The following PCDHGB6 variants were observed in gnomAD, a reference collection of about 807,000 sequenced individuals.
PCDHGB6 encodes the protein protocadherin gamma-B6.
Under a neutral mutation model 59.1 loss-of-function variants are expected in PCDHGB6, and 51 were observed. The ratio of observed to expected loss-of-function variants is 0.86; its 90% CI spans 0.69 to 1.09. The LOEUF (loss-of-function observed/expected upper bound fraction) is 1.09. PCDHGB6 is among the 50% of genes least tolerant of loss of function. The pLI is 0.00. For synonymous variants in PCDHGB6, 466 were observed against 495.1 expected, an observed-to-expected ratio of 0.94 and a Z score of 0.78; for missense variants, 1,148 against 1,205.1, an observed-to-expected ratio of 0.95 and a Z score of 0.70.
chr5:141,466,809 CA>C (rs1454424644), intron 1 of PCDHGB6, among the ~76,000 whole-genome samples: 1 of 152,102 alleles, frequency 6.6e-6, no homozygotes, highest in Non-Finnish European at 1.5e-5. Flanking sequence ...CCTATTCAGA[CA>C]TGGTATAACA....
At chr5:141,453,481 TA>T (rs1178324090) in intron 1 of PCDHGB6, among the ~76,000 whole-genome samples, 1 of 151,928 alleles carries the variant, frequency 6.6e-6, no homozygotes, top group Non-Finnish European at 1.5e-5. Context: ...TCAAAACTAT[TA>T]AAAAAAGGTG....
intron 1 of PCDHGB6, 129 bp from the exon 2 acceptor site, chr5:141,494,678 G>T: frequency 1.3e-6 from 2 of 1,554,384 alleles, no homozygotes; most frequent in East Asian, 4.7e-5. Flanking sequence ...GTCCACCCCT[G>T]CCCCCTCTTA....
At chr5:141,410,765 T>C (rs1238144239) in intron 1 of PCDHGB6, 145 bp downstream of exon 1, 1 of 1,066,570 alleles carries the variant, frequency 9.4e-7, no homozygotes, top group Non-Finnish European at 1.3e-6. Flanking sequence ...TTTTCAATTA[T>C]AGTTTTCACT....
Position 141,431,628 on chromosome 5 carries a change from A to T in PCDHGB6, c.2418+21008A>T, listed in dbSNP as rs1204083567. The T allele has an allele frequency of 6.2e-7, 1 of 1,614,138 alleles. No individual in the cohort carries two copies. Among genetic ancestry groups the T allele is most frequent in the Non-Finnish European group, 8.5e-7 (1 of 1,180,058 alleles). ...CGGTATGTGGACGACAAGGCGGCCC[A>T]AGTTTTCAAACTAGATTGTAATTCA... On this transcript the variant is annotated intron_variant, in intron 1 of 3. Coordinates refer to ENST00000520790, the MANE Select transcript of PCDHGB6 (RefSeq NM_018926.3). The surrounding 1 kb of genome is among the most constrained non-coding windows in gnomAD (Gnocchi z 4.8).
chr5:141,424,203 GC>G (rs777832241), intron 1 of PCDHGB6: 3 of 175,740 alleles, frequency 1.7e-5, no homozygotes, highest in Non-Finnish European at 3.6e-5. Flanking sequence ...ATACACGTAA[GC>G]TTTTCTCTGA....
rs1386737349 is a variant in PCDHGB6 at position 141,486,423 on chromosome 5, C to T, written c.2419-8384C>T. The T allele has an allele frequency of 6.2e-7, 1 of 1,614,042 alleles. No individual in the cohort carries two copies. The highest frequency in any genetic ancestry group is 8.5e-7 in the Non-Finnish European group (1 of 1,180,030). ...ACTGCTGGACCCTTGGATCGAGAGG[C>T]CAAATCTAGCTATGACATCATGGTC... is the stretch of plus-strand genomic sequence containing the variant. On this transcript the variant is annotated intron_variant, in intron 1 of 3. Transcript: ENST00000520790. The surrounding 1 kb of genome is among the most constrained non-coding windows in gnomAD (Gnocchi z 5.0).
At chr5:141,501,423 A>C (rs1195105794) in intron 2 of PCDHGB6, among the ~76,000 whole-genome samples, 1 of 151,966 alleles carries the variant, frequency 6.6e-6, no homozygotes, top group Non-Finnish European at 1.5e-5. Flanking sequence ...AGTTGACTAA[A>C]TGTAGTCCAT....
intron 1 of PCDHGB6, chr5:141,440,868 T>G (rs1288344051): frequency 3.9e-5 from 6 of 152,150 alleles, no homozygotes; most frequent in Non-Finnish European, 1.5e-5. Context: ...ATCTAGGATG[T>G]GTACAGCGTC....
At chr5:141,434,497 G>A (rs986672351) in intron 1 of PCDHGB6, among the ~76,000 whole-genome samples, 2 of 152,214 alleles carry the variant, frequency 1.3e-5, no homozygotes, top group African/African-American at 4.8e-5. Context: ...CCCGCCCAGG[G>A]CAGAAAACTG....
chr5:141,428,188 G>A (rs1023078587), intron 1 of PCDHGB6: 3 of 1,433,350 alleles, frequency 2.1e-6, no homozygotes, highest in Admixed American at 1.8e-5. Flanking sequence ...GACAGCCGCC[G>A]CTCTCTGCGC....
At chr5:141,448,058 C>G (rs2098560499) in intron 1 of PCDHGB6, among the ~76,000 whole-genome samples, 2 of 151,936 alleles carry the variant, frequency 1.3e-5, no homozygotes, top group Non-Finnish European at 2.9e-5. Flanking sequence ...TGCTCTCCAG[C>G]CTGGGCAACA....
chr5:141,503,608 A>G (rs1451651299), intron 2 of PCDHGB6, among the ~76,000 whole-genome samples: 3 of 151,994 alleles, frequency 2.0e-5, no homozygotes, highest in South Asian at 2.1e-4. Flanking sequence ...CAAAAAAAAA[A>G]AAAAAAGAAA....
At chr5:141,479,975 C>A (rs1459297521) in intron 1 of PCDHGB6, among the ~76,000 whole-genome samples, 1 of 152,186 alleles carries the variant, frequency 6.6e-6, no homozygotes, top group East Asian at 1.9e-4. Context: ...TGAGGTTCTA[C>A]CATTTACCAA....
rs894528472 is a variant in PCDHGB6 at position 141,489,718 on chromosome 5, C to A, written c.2419-5089C>A. 6.2e-7 allele frequency: 1 copy of A among 1,614,038 alleles called. No individual in the cohort carries two copies. Among genetic ancestry groups the A allele is most frequent in the African/African-American group, 1.3e-5 (1 of 74,934 alleles). ...ATTCCCACTGGACAGTGCCCAGGATCCGGATGTGGGCACCAATACTGTGAG... is the reference window on the plus strand; with the variant it reads ...ATTCCCACTGGACAGTGCCCAGGATACGGATGTGGGCACCAATACTGTGAG... On this transcript the variant is annotated intron_variant, in intron 1 of 3. Coordinates refer to ENST00000520790, the MANE Select transcript of PCDHGB6 (RefSeq NM_018926.3). This position sits in a 1 kb window ranked among gnomAD's most constrained non-coding sequence, Gnocchi z 4.5.
Position 141,490,900 on chromosome 5 carries a change from G to A in PCDHGB6, c.2419-3907G>A, listed in dbSNP as rs2099705863. 2 of 1,613,796 alleles carry A rather than the reference G, an allele frequency of 1.2e-6. No individual in the cohort carries two copies. The highest frequency in any genetic ancestry group is 2.7e-5 in the African/African-American group (2 of 75,050). ...TGCCAACACATCTCTGCATGTGTTT[G>A]TCCTAGACGAGAATGATAATGCCCC... On this transcript the variant is annotated intron_variant, in intron 1 of 3. Transcript: ENST00000520790. The surrounding 1 kb of genome is among the most constrained non-coding windows in gnomAD (Gnocchi z 5.4).
chr5:141,510,359 T>A (rs1229932307), intron 3 of PCDHGB6, among the ~76,000 whole-genome samples: 3 of 143,318 alleles, frequency 2.1e-5, no homozygotes, highest in African/African-American at 7.7e-5. Flanking sequence ...CTAACGGAAC[T>A]ACCGAATCTC....
chr5:141,451,428 G>T (rs552096051), intron 1 of PCDHGB6, among the ~76,000 whole-genome samples: 17 of 152,166 alleles, frequency 1.1e-4, no homozygotes, highest in Non-Finnish European at 2.1e-4. Context: ...TTAGACTAAG[G>T]GTTCCAGTTC....
chr5:141,409,997 G>C lies in PCDHGB6; in HGVS notation c.1795G>C (p.Gly599Arg). 2 of 1,613,224 alleles carry C rather than the reference G, an allele frequency of 1.2e-6. No individual in the cohort carries two copies. Among genetic ancestry groups the C allele is most frequent in the South Asian group, 2.2e-5 (2 of 91,076 alleles). The change falls in exon 1 of 4, where the codon GGA becomes CGA. Residue 599 changes from glycine (G) to arginine (R), a missense_variant. Physicochemically the swap from Gly to Arg is moderately radical, Grantham distance 125 (BLOSUM62 -2). Transcript: ENST00000520790. The part of the protein sequence containing the change: ...TKVVAVDADS[G>R]HNAWLSYHVL... ...GGTGGTAGCGGTGGACGCCGACTCG[G>C]GACACAACGCCTGGCTGTCCTACCA...
At chr5:141,457,647 T>C (rs929739178) in intron 1 of PCDHGB6, among the ~76,000 whole-genome samples, 6 of 152,256 alleles carry the variant, frequency 3.9e-5, no homozygotes, top group Non-Finnish European at 8.8e-5. Context: ...ATTATTTGCA[T>C]GAAGTGCAGC....
Sources: gnomAD v4.1 joint callset for allele counts (sites outside exome capture counted in the v4.1 genomes callset) on GRCh38, gnomAD v4.1.1 for gene constraint, Gnocchi (gnomAD v3.1) non-coding constraint, MANE v1.5 for transcripts, NCBI Gene and HGNC (gene_info 2026-07-23, HGNC 2026-07-21) for gene names.